The following ADAMTS12 variants were observed in gnomAD, a reference collection of about 807,000 sequenced individuals.
The protein encoded by ADAMTS12 is ADAM metallopeptidase with thrombospondin type 1 motif 12.
Under a neutral mutation model 167.8 loss-of-function variants are expected in ADAMTS12, and 118 were observed. The observed-to-expected ratio is 0.70, with a 90% CI of 0.61 to 0.82. The LOEUF (loss-of-function observed/expected upper bound fraction) is 0.82. ADAMTS12 is among the 40% of genes least tolerant of loss of function. The pLI is 0.00. For missense variants in ADAMTS12, 1,916 were observed against 1,998.8 expected (o/e 0.96, Z 0.79); for synonymous variants, 704 against 716.9 (o/e 0.98, Z 0.29).
At chr5:33,689,640 G>A (rs916376900) in intron 3 of ADAMTS12, among the ~76,000 whole-genome samples, 1 of 152,120 alleles carries the variant, frequency 6.6e-6, no homozygotes, top group African/African-American at 2.4e-5. Context: ...GTTGAGGGCT[G>A]GAGAGATGGT....
intron 2 of ADAMTS12, among the ~76,000 whole-genome samples, chr5:33,813,661 T>C (rs1298751804): frequency 1.3e-5 from 2 of 152,214 alleles, no homozygotes; most frequent in Admixed American, 6.5e-5. Flanking sequence ...CAACAAATCA[T>C]ATGGGAATGC....
chr5:33,571,986 T>C (rs1746377325), intron 19 of ADAMTS12, among the ~76,000 whole-genome samples: 1 of 152,158 alleles, frequency 6.6e-6, no homozygotes, highest in African/African-American at 2.4e-5. Flanking sequence ...ACAAATAAAT[T>C]AGAAAATCTA....
At chr5:33,686,376 G>A (rs1307137682) in intron 3 of ADAMTS12, among the ~76,000 whole-genome samples, 2 of 152,146 alleles carry the variant, frequency 1.3e-5, no homozygotes, top group African/African-American at 2.4e-5. Context: ...GATATCTACC[G>A]TTAGGTGCTA....
In ADAMTS12 at chr5:33,751,441, T is replaced by C; in HGVS notation, c.597A>G (p.Lys199=). 1 of 1,614,178 alleles carries C rather than the reference T, an allele frequency of 6.2e-7. No individual in the cohort carries two copies. Among genetic ancestry groups the C allele is most frequent in the Non-Finnish European group, 8.5e-7 (1 of 1,180,030 alleles). ...YHPHIVYRRQ[K]VPETKEPTCG... Reference sequence around the variant, plus strand: ...AGGTTGGCTCCTTGGTTTCTGGAACTTTCTGCCTCCTGTAAACGATGTGCG... The same window carrying C: ...AGGTTGGCTCCTTGGTTTCTGGAACCTTCTGCCTCCTGTAAACGATGTGCG... Residue 199 remains lysine (K), a synonymous_variant, in exon 3 of 24, where the codon AAA becomes AAG. Coordinates refer to ENST00000504830, the MANE Select transcript of ADAMTS12 (RefSeq NM_030955.4).
chr5:33,820,688 C>T lies in ADAMTS12; in HGVS notation c.489+60431G>A, dbSNP rs112018586. Among the ~76,000 whole-genome samples, 1,306 of 152,142 alleles carry T rather than the reference C, an allele frequency of 8.6e-3. 22 individuals are homozygous for T. Among genetic ancestry groups the T allele is most frequent in the African/African-American group, 0.03 (1,263 of 41,508 alleles). ...TATAGATCAGGAGAATAATCTCATG[C>T]GATCCTATTCACAATAACAAAGACA... On this transcript the variant is annotated intron_variant, in intron 2 of 23. Transcript: ENST00000504830.
Position 33,625,275 on chromosome 5 carries a change from G to A in ADAMTS12, c.2023-924C>T, listed in dbSNP as rs369206928. On this transcript the variant is annotated intron_variant, in intron 13 of 23. Coordinates refer to ENST00000504830, the MANE Select transcript of ADAMTS12 (RefSeq NM_030955.4). ...AAGACTGTGCTGCTTCACCTAGTAG[G>A]GGGAAAAAAATTAAGTGCTAAGAGA... Among the ~76,000 whole-genome samples the A allele has an allele frequency of 3.3e-5, 5 of 151,876 alleles. No homozygotes were observed. In the East Asian group the frequency reaches 5.8e-4, roughly 18 times the overall value.
At chr5:33,786,786 C>T (rs1473236328) in intron 2 of ADAMTS12, among the ~76,000 whole-genome samples, 1 of 152,158 alleles carries the variant, frequency 6.6e-6, no homozygotes, top group Non-Finnish European at 1.5e-5. Flanking sequence ...AAACTATTTT[C>T]TGACCTTTTA....
At chr5:33,756,144 G>A (rs1400359359) in intron 2 of ADAMTS12, among the ~76,000 whole-genome samples, 1 of 152,192 alleles carries the variant, frequency 6.6e-6, no homozygotes, top group African/African-American at 2.4e-5. Context: ...GTAGGGAAGG[G>A]AACAGCAAAG....
rs1285797191 is a variant in ADAMTS12 at position 33,525,570 on chromosome 5, G to A, written c.*1618C>T. 6.6e-6 allele frequency: 1 copy of A among 152,168 alleles called. No individual in the cohort carries two copies. Among genetic ancestry groups the A allele is most frequent in the Non-Finnish European group, 1.5e-5 (1 of 68,034 alleles). The allele number at this position is 152,168 out of a possible 1,614,324, so 9.4% of individuals were successfully genotyped here. A position where few individuals can be genotyped will look rare whatever the true frequency, so the allele number is the denominator to read the frequency against. On this transcript the variant is annotated 3_prime_UTR_variant, in exon 24 of 24. Coordinates refer to ENST00000504830, the MANE Select transcript of ADAMTS12 (RefSeq NM_030955.4). ...GAGTTTCACATACACTTACCCATTT[G>A]TATGCCTATCTATGTTTACATTAAT...
chr5:33,643,595 G>C (rs889405373), intron 9 of ADAMTS12, 125 bp from the exon 10 acceptor site: 12 of 798,004 alleles, frequency 1.5e-5, no homozygotes, highest in Non-Finnish European at 2.5e-5. Context: ...TAGTGACTAA[G>C]AGTGACAGAA....
At chr5:33,614,102 G>A (rs76139237) in intron 16 of ADAMTS12, 136 bp downstream of exon 16, 16,880 of 1,225,636 alleles carry the variant, frequency 0.014, 209 homozygotes, top group African/African-American at 0.064. Flanking sequence ...TTCACTGTCC[G>A]CAGAGGCCCC....
chr5:33,813,283 T>C (rs1298445714), intron 2 of ADAMTS12, among the ~76,000 whole-genome samples: 1 of 152,236 alleles, frequency 6.6e-6, no homozygotes, highest in African/African-American at 2.4e-5. Context: ...GTATGTAGTG[T>C]TATCTTGTAA....
At chr5:33,682,313 A>C (rs917546025) in intron 5 of ADAMTS12, among the ~76,000 whole-genome samples, 2 of 152,206 alleles carry the variant, frequency 1.3e-5, no homozygotes, top group Non-Finnish European at 2.9e-5. Flanking sequence ...GGAAGGGAGT[A>C]ATCAAGGTTC....
At chr5:33,880,573 C>T (rs1176857919) in intron 2 of ADAMTS12, among the ~76,000 whole-genome samples, 4 of 152,216 alleles carry the variant, frequency 2.6e-5, no homozygotes, top group African/African-American at 9.6e-5. Context: ...GTTTGCCAAA[C>T]TTTGCTCCAT....
At chr5:33,795,456 C>G (rs1037188419) in intron 2 of ADAMTS12, among the ~76,000 whole-genome samples, 2 of 152,164 alleles carry the variant, frequency 1.3e-5, no homozygotes, top group Non-Finnish European at 2.9e-5. Context: ...ATTCCAGAAT[C>G]CCTACGTCAA....
chr5:33,822,496 T>G (rs1747904302), intron 2 of ADAMTS12, among the ~76,000 whole-genome samples: 2 of 152,194 alleles, frequency 1.3e-5, no homozygotes, highest in Admixed American at 1.3e-4. Flanking sequence ...CATGGTGTTC[T>G]CCAAAAGTTC....
intron 17 of ADAMTS12, among the ~76,000 whole-genome samples, chr5:33,591,104 G>GTC (rs149905578): frequency 0.078 from 11,638 of 148,800 alleles, 490 homozygotes; most frequent in Middle Eastern, 0.1. Context: ...GTGTGTGTGT[G>GTC]TATGTGTGTG....
chr5:33,629,588 T>A (rs978550574), intron 13 of ADAMTS12, among the ~76,000 whole-genome samples: 1 of 152,156 alleles, frequency 6.6e-6, no homozygotes, highest in Non-Finnish European at 1.5e-5. Context: ...TGAAAAAGCC[T>A]CTGCAAACAC....
intron 5 of ADAMTS12, among the ~76,000 whole-genome samples, chr5:33,670,585 T>C (rs1379478931): frequency 6.6e-6 from 1 of 152,104 alleles, no homozygotes; most frequent in Non-Finnish European, 1.5e-5. Context: ...CTATCAAAAG[T>C]ACAAAAATTA....
Sources: gnomAD v4.1 joint callset for allele counts (sites outside exome capture counted in the v4.1 genomes callset) on GRCh38, gnomAD v4.1.1 for gene constraint, MANE v1.5 for transcripts, NCBI Gene and HGNC (gene_info 2026-07-23, HGNC 2026-07-21) for gene names.